CDH18: variants seen among roughly 807,000 people sequenced by gnomAD.
CDH18 encodes cadherin 18, also known as cadherin-18.
A neutral mutation model predicts 67.9 loss-of-function variants in CDH18; 31 were observed. That is an observed-to-expected ratio of 0.46 (90% CI 0.34 to 0.62). The LOEUF (loss-of-function observed/expected upper bound fraction) is 0.62, where lower values mean the gene tolerates loss of function less well. Ranked by LOEUF, CDH18 falls within the 20% of genes least tolerant of loss-of-function variation. CDH18 has a pLI of 0.01. For synonymous variants in CDH18, 362 were observed against 347.2 expected (o/e 1.04, Z -0.48); for missense variants, 890 against 975.5 (o/e 0.91, Z 1.17).
intron 5 of CDH18, among the ~76,000 whole-genome samples, chr5:19,678,716 TCCTGGAAACCTACAA>T (rs1054860270): frequency 2.0e-5 from 3 of 151,694 alleles, no homozygotes; most frequent in African/African-American, 7.3e-5. Flanking sequence ...AATGATAAAT[TCCTGGAAACCTACAA>T]CCTCCCAAGA....
intron 3 of CDH18, among the ~76,000 whole-genome samples, chr5:19,811,838 A>G (rs1012231558): frequency 6.6e-6 from 1 of 152,234 alleles, no homozygotes; most frequent in Non-Finnish European, 1.5e-5. Context: ...ACAGAAAAAA[A>G]TGGTAATTCA....
At chr5:19,537,563 C>G (rs2127030378) in intron 9 of CDH18, among the ~76,000 whole-genome samples, 1 of 152,144 alleles carries the variant, frequency 6.6e-6, no homozygotes, top group South Asian at 2.1e-4. Flanking sequence ...AGAGAATATG[C>G]AGGGCAACCT....
intron 1 of CDH18, among the ~76,000 whole-genome samples, chr5:20,314,231 G>A (rs1273812661): frequency 6.6e-6 from 1 of 151,938 alleles, no homozygotes; most frequent in Non-Finnish European, 1.5e-5. Flanking sequence ...AAGAATTTGA[G>A]TTTCTGTGTT....
At chr5:19,784,018 T>C (rs1775427536) in intron 3 of CDH18, among the ~76,000 whole-genome samples, 1 of 151,962 alleles carries the variant, frequency 6.6e-6, no homozygotes, top group Non-Finnish European at 1.5e-5. Flanking sequence ...AGTAAAAACA[T>C]TTTATTTTAA....
intron 3 of CDH18, among the ~76,000 whole-genome samples, chr5:19,796,119 G>C (rs1776826642): frequency 6.6e-6 from 1 of 151,930 alleles, no homozygotes; most frequent in African/African-American, 2.4e-5. Flanking sequence ...AAAATTCTGG[G>C]ATAAAATGGA....
At position 19,485,620 on chromosome 5, in the gene CDH18, A is replaced by T. The variant is rs568367391; in HGVS notation, c.1631-2068T>A. On this transcript the variant is annotated intron_variant, in intron 11 of 12. Transcript: ENST00000382275. ...GTGGAGAAATGACATCACGTGTATTATATAATAATTTATCAGTCATGTTTA... is the reference window on the plus strand; with the variant it reads ...GTGGAGAAATGACATCACGTGTATTTTATAATAATTTATCAGTCATGTTTA... 1.4e-4 allele frequency among the ~76,000 whole-genome samples: 22 copies of T among 152,248 alleles called. No homozygotes were observed. In the East Asian group the frequency reaches 3.9e-3, roughly 27 times the overall value.
intron 11 of CDH18, among the ~76,000 whole-genome samples, chr5:19,485,393 C>A (rs1350605027): frequency 6.6e-6 from 1 of 151,886 alleles, no homozygotes; most frequent in East Asian, 1.9e-4. Context: ...GTAGCTGGGA[C>A]TACAGGCGCC....
intron 2 of CDH18, among the ~76,000 whole-genome samples, chr5:20,090,952 T>C (rs1190398572): frequency 1.3e-5 from 2 of 151,498 alleles, no homozygotes; most frequent in African/African-American, 4.8e-5. Flanking sequence ...AGGGAGGCTC[T>C]AGTGGGAGAA....
upstream of CDH18, among the ~76,000 whole-genome samples, chr5:19,992,508 A>G (rs1800042221): frequency 6.6e-6 from 1 of 151,920 alleles, no homozygotes; most frequent in Admixed American, 6.6e-5. Context: ...AAAGTAGTGC[A>G]GAAAGACTAG....
At chr5:19,766,282 C>T (rs1291272007) in intron 3 of CDH18, among the ~76,000 whole-genome samples, 1 of 152,170 alleles carries the variant, frequency 6.6e-6, no homozygotes, top group Non-Finnish European at 1.5e-5. Context: ...CACTTTCTTA[C>T]TCTTCTCTCA....
intron 2 of CDH18, among the ~76,000 whole-genome samples, chr5:20,108,513 C>A (rs1053413930): frequency 6.6e-6 from 1 of 152,152 alleles, no homozygotes; most frequent in East Asian, 1.9e-4. Flanking sequence ...CTTGTCAAAA[C>A]AGTCACTGAA....
At chr5:19,766,433 T>C (rs1773102682) in intron 3 of CDH18, among the ~76,000 whole-genome samples, 1 of 152,198 alleles carries the variant, frequency 6.6e-6, no homozygotes, top group South Asian at 2.1e-4. Flanking sequence ...CAGTTACCAC[T>C]GGGTTCATTC....
At chr5:20,511,775 C>CTTTTT (rs1386490341) in intron 1 of CDH18, among the ~76,000 whole-genome samples, 1 of 152,110 alleles carries the variant, frequency 6.6e-6, no homozygotes, top group Non-Finnish European at 1.5e-5. Flanking sequence ...ATACATTTAC[C>CTTTTT]TTTTCAGAGT....
chr5:20,219,538 AC>A (rs1241435662), intron 2 of CDH18, among the ~76,000 whole-genome samples: 1 of 151,656 alleles, frequency 6.6e-6, no homozygotes, highest in Non-Finnish European at 1.5e-5. Flanking sequence ...AAAGAAAAAA[AC>A]AAATCAGAAC....
Position 19,480,838 on chromosome 5 carries a change from A to G in CDH18, c.1882+2463T>C, listed in dbSNP as rs1373269826. On this transcript the variant is annotated intron_variant, in intron 12 of 12. Transcript: ENST00000382275. Reference sequence around the variant, plus strand: ...TGATCATGGCTCACTGCAGCCTCCAACTCCCAGGCTCAAGGGATCCTCTCA... The same window carrying G: ...TGATCATGGCTCACTGCAGCCTCCAGCTCCCAGGCTCAAGGGATCCTCTCA... Among the ~76,000 whole-genome samples the G allele has an allele frequency of 4.0e-5, 6 of 151,816 alleles. No homozygotes were observed. The East Asian group carries it at 9.7e-4, about 25-fold the overall frequency.
intron 2 of CDH18, among the ~76,000 whole-genome samples, chr5:19,939,651 T>C (rs984595796): frequency 6.6e-6 from 1 of 151,836 alleles, no homozygotes; most frequent in Admixed American, 6.6e-5. Flanking sequence ...TTGTCTTTTA[T>C]AGAGTAATTA....
At chr5:19,780,134 C>G (rs1774928896) in intron 3 of CDH18, among the ~76,000 whole-genome samples, 1 of 152,018 alleles carries the variant, frequency 6.6e-6, no homozygotes, top group African/African-American at 2.4e-5. Context: ...GAGCTCCATC[C>G]ACAGAAGAGT....
chr5:20,234,431 G>A (rs1049651868), intron 2 of CDH18, among the ~76,000 whole-genome samples: 1 of 151,954 alleles, frequency 6.6e-6, no homozygotes, highest in African/African-American at 2.4e-5. Context: ...CTATGTTCCA[G>A]ATCATCAGTT....
At chr5:19,616,810 C>T (rs1749909679) in intron 5 of CDH18, among the ~76,000 whole-genome samples, 1 of 152,124 alleles carries the variant, frequency 6.6e-6, no homozygotes, top group Admixed American at 6.6e-5. Context: ...ATCGAGGTAC[C>T]AGATGATTTT....
Sources: gnomAD v4.1 joint callset for allele counts (sites outside exome capture counted in the v4.1 genomes callset) on GRCh38, gnomAD v4.1.1 for gene constraint, MANE v1.5 for transcripts, NCBI Gene and HGNC (gene_info 2026-07-23, HGNC 2026-07-21) for gene names.